The following RBFOX1 variants were observed in gnomAD, a reference collection of about 807,000 sequenced individuals.
The protein encoded by RBFOX1 is RNA binding fox-1 homolog 1.
In RBFOX1, 8 loss-of-function variants were observed where a neutral mutation model predicts 57.7. That is an observed-to-expected ratio of 0.14 (90% CI 0.08 to 0.25). RBFOX1 has a LOEUF of 0.25. RBFOX1 is among the 10% of genes least tolerant of loss of function. The probability of loss-of-function intolerance (pLI) is 1.00; values close to 1 mark genes in which losing one functional copy is unlikely to be tolerated. For missense variants in RBFOX1, 611 were observed against 548.5 expected, an observed-to-expected ratio of 1.11 and a Z score of -1.14; for synonymous variants, 326 against 222.4, an observed-to-expected ratio of 1.47 and a Z score of -4.15.
intron 2 of RBFOX1, among the ~76,000 whole-genome samples, chr16:6,415,008 C>T (rs568385898): frequency 2.6e-5 from 4 of 152,038 alleles, no homozygotes; most frequent in African/African-American, 9.6e-5. Flanking sequence ...TTTGGAAGGC[C>T]AAGACAGGCG....
chr16:7,008,645 C>G (rs1157807195), intron 3 of RBFOX1, among the ~76,000 whole-genome samples: 1 of 75,626 alleles, frequency 1.3e-5, no homozygotes. Context: ...TCCCTCCCTT[C>G]CTTCCTCCTC....
intron 3 of RBFOX1, among the ~76,000 whole-genome samples, chr16:6,963,381 AAC>A (rs141982878): frequency 0.011 from 1,740 of 152,124 alleles, 26 homozygotes; most frequent in African/African-American, 0.039. Context: ...TTAGAATTAA[AAC>A]ACACACACAC....
At chr16:7,112,962 C>T (rs919848061) in intron 4 of RBFOX1, among the ~76,000 whole-genome samples, 1 of 152,158 alleles carries the variant, frequency 6.6e-6, no homozygotes, top group Non-Finnish European at 1.5e-5. Flanking sequence ...CTGGCACCCT[C>T]TGTAAGGCGC....
At chr16:6,756,309 T>C (rs778870826) in intron 3 of RBFOX1, among the ~76,000 whole-genome samples, 1 of 152,122 alleles carries the variant, frequency 6.6e-6, no homozygotes, top group Non-Finnish European at 1.5e-5. Context: ...TCTTACCGTA[T>C]ACAAAAATCA....
intron 3 of RBFOX1, among the ~76,000 whole-genome samples, chr16:6,776,305 G>C (rs1324994062): frequency 1.3e-5 from 2 of 152,076 alleles, no homozygotes; most frequent in African/African-American, 4.8e-5. Flanking sequence ...CAGCTACTCG[G>C]GGGGCTGAGG....
At chr16:7,346,173 A>T (rs1042966854) in intron 4 of RBFOX1, among the ~76,000 whole-genome samples, 1 of 151,980 alleles carries the variant, frequency 6.6e-6, no homozygotes, top group African/African-American at 2.4e-5. Flanking sequence ...TTTTTTATGG[A>T]TGCATAGTAT....
intron 10 of RBFOX1, among the ~76,000 whole-genome samples, chr16:7,618,122 T>C (rs185171071): frequency 1.7e-3 from 262 of 152,282 alleles, no homozygotes; most frequent in Non-Finnish European, 2.9e-3. Context: ...GATTAGAGAG[T>C]ACCTTCTAGA....
intron 1 of RBFOX1, among the ~76,000 whole-genome samples, chr16:6,225,815 G>A (rs576640628): frequency 6.6e-5 from 10 of 152,214 alleles, no homozygotes; most frequent in African/African-American, 2.2e-4. Flanking sequence ...CATGACTGAA[G>A]TGTGAATGCA....
intron 4 of RBFOX1, among the ~76,000 whole-genome samples, chr16:7,166,972 C>CTTTTGTTTTTTTTTTT (rs2079653060): frequency 4.1e-5 from 2 of 49,114 alleles, no homozygotes; most frequent in Non-Finnish European, 6.8e-5. Flanking sequence ...CATTGGTGTT[C>CTTTTGTTTTTTTTTTT]TTTTTTTTTT....
intron 3 of RBFOX1, among the ~76,000 whole-genome samples, chr16:6,948,780 G>A (rs2080099984): frequency 6.6e-6 from 1 of 152,132 alleles, no homozygotes; most frequent in Non-Finnish European, 1.5e-5. Flanking sequence ...CAATCCAGAA[G>A]AGGAAGCGTC....
At chr16:5,378,608 C>T (rs1319618744) in intron 1 of RBFOX1, among the ~76,000 whole-genome samples, 1 of 151,506 alleles carries the variant, frequency 6.6e-6, no homozygotes, top group African/African-American at 2.5e-5. Context: ...TGGTACTTTC[C>T]ATGTTAACAT....
intron 3 of RBFOX1, among the ~76,000 whole-genome samples, chr16:6,736,321 C>G (rs1407224520): frequency 1.3e-5 from 2 of 152,128 alleles, no homozygotes; most frequent in Admixed American, 1.3e-4. Context: ...CTACTCTTCC[C>G]CCCAAGTCCC....
At chr16:6,787,643 C>G (rs1443117133) in intron 3 of RBFOX1, among the ~76,000 whole-genome samples, 1 of 152,046 alleles carries the variant, frequency 6.6e-6, no homozygotes, top group East Asian at 1.9e-4. Flanking sequence ...GTTTTGAAGA[C>G]ACGTTATTAC....
chr16:6,340,087 G>A (rs139554811), intron 2 of RBFOX1, among the ~76,000 whole-genome samples: 1 of 152,194 alleles, frequency 6.6e-6, no homozygotes, highest in Non-Finnish European at 1.5e-5. Flanking sequence ...CAGTTAGAAG[G>A]AAGTGGAACA....
At chr16:6,704,361 G>A (rs2062356273) in intron 3 of RBFOX1, 2 of 152,324 alleles carry the variant, frequency 1.3e-5, no homozygotes, top group Non-Finnish European at 2.9e-5. Flanking sequence ...TTTAGGAGAC[G>A]ACCCTGCAGC....
At chr16:6,413,937 C>T (rs1428708412) in intron 2 of RBFOX1, among the ~76,000 whole-genome samples, 3 of 152,120 alleles carry the variant, frequency 2.0e-5, no homozygotes, top group Non-Finnish European at 4.4e-5. Context: ...AGGGTGAATG[C>T]ATGTTCTCCA....
intron 3 of RBFOX1, among the ~76,000 whole-genome samples, chr16:6,815,614 C>G (rs1207363570): frequency 6.6e-6 from 1 of 152,208 alleles, no homozygotes; most frequent in African/African-American, 2.4e-5. Flanking sequence ...AATGAGTAAA[C>G]TTGAAGCAAA....
chr16:5,954,762 T>G (rs2059589829), intron 4 of RBFOX1, among the ~76,000 whole-genome samples: 2 of 152,164 alleles, frequency 1.3e-5, no homozygotes, highest in South Asian at 2.1e-4. Flanking sequence ...TTGCAGAGGC[T>G]ACATTTAAAA....
intron 3 of RBFOX1, among the ~76,000 whole-genome samples, chr16:5,864,950 A>G (rs949690615): frequency 5.3e-5 from 8 of 152,200 alleles, no homozygotes; most frequent in Non-Finnish European, 8.8e-5. Context: ...TGTCAGATCA[A>G]TGCCACAATG....
Sources: allele counts gnomAD v4.1 joint callset (sites outside exome capture counted in the v4.1 genomes callset), GRCh38; gene constraint gnomAD v4.1.1; transcripts MANE v1.5; gene names NCBI Gene and HGNC (gene_info 2026-07-23, HGNC 2026-07-21).